The following TIAM1 variants were observed in gnomAD, a reference collection of about 807,000 sequenced individuals.
The protein encoded by TIAM1 is TIAM Rac1 associated GEF 1.
In TIAM1, 65 loss-of-function variants were observed where a neutral mutation model predicts 163.5. The ratio of observed to expected loss-of-function variants is 0.40; its 90% confidence interval spans 0.33 to 0.49. TIAM1 has a LOEUF of 0.49. Among genes scored for constraint, TIAM1 ranks in the 20% least tolerant of loss-of-function variants. TIAM1 has a pLI of 0.77. For missense variants in TIAM1, 1,789 were observed against 2,044.7 expected, an observed-to-expected ratio of 0.87 and a Z score of 2.41; for synonymous variants, 833 against 810.1, an observed-to-expected ratio of 1.03 and a Z score of -0.48.
chr21:31,245,540 T>C lies in TIAM1; in HGVS notation c.1532A>G (p.Lys511Arg). The change falls in exon 6 of 28, where the codon AAG becomes AGG. Residue 511 changes from lysine (K) to arginine (R), a missense_variant. Lys to Arg is a conservative substitution (Grantham distance 26, BLOSUM62 2). Around this residue, in one of 5 missense-constraint regions of TIAM1, gnomAD observed 456 missense variants for 586.6 expected, o/e 0.78. Coordinates refer to ENST00000541036, the MANE Select transcript of TIAM1 (RefSeq NM_001353694.2). ...IVQAVPEHPK[K>R]DFVFCLSNSL... is the part of the protein sequence containing the mutation. ...ATTGCTGAGGCAGAAGACAAAGTCC[T>C]TCTTGGGGTGCTCAGGCACCGCCTG... The C allele has an allele frequency of 6.3e-7, 1 of 1,593,842 alleles. No homozygotes were observed. Among genetic ancestry groups the C allele is most frequent in the Non-Finnish European group, 8.5e-7 (1 of 1,170,212 alleles).
chr21:31,346,034 C>A (rs979608437), upstream of TIAM1, among the ~76,000 whole-genome samples: 1 of 150,854 alleles, frequency 6.6e-6, no homozygotes, highest in Non-Finnish European at 1.5e-5. Context: ...AATTTGCCTC[C>A]GGGGAACATT....
chr21:31,124,208 C>A (rs139396936), intron 27 of TIAM1: 3,538 of 266,946 alleles, frequency 0.013, 33 homozygotes, highest in Non-Finnish European at 0.019. Context: ...CAGGCTGAGA[C>A]AGCCTCTCCA....
chr21:31,330,626 TG>T (rs1249420440), intron 2 of TIAM1, among the ~76,000 whole-genome samples: 1 of 152,036 alleles, frequency 6.6e-6, no homozygotes, highest in Admixed American at 6.6e-5. Context: ...TTTGTGGAGT[TG>T]GGGTTTCACC....
At chr21:31,519,381 T>C (rs1393115555) in intron 1 of TIAM1, among the ~76,000 whole-genome samples, 2 of 144,664 alleles carry the variant, frequency 1.4e-5, no homozygotes, top group Admixed American at 7.0e-5. Context: ...TTGTGGCCCA[T>C]GTTTGTCATC....
At chr21:31,391,306 C>G (rs1026655231) in intron 2 of TIAM1, among the ~76,000 whole-genome samples, 1 of 152,102 alleles carries the variant, frequency 6.6e-6, no homozygotes, top group Non-Finnish European at 1.5e-5. Context: ...ACAATTGTAA[C>G]TCTGAATCCA....
chr21:31,464,391 A>G (rs1346195000), intron 1 of TIAM1, among the ~76,000 whole-genome samples: 5 of 152,084 alleles, frequency 3.3e-5, no homozygotes, highest in Non-Finnish European at 2.9e-5. Context: ...TTTTTATTCT[A>G]TTTTTATTTT....
At chr21:31,464,477 G>C (rs1201767637) in intron 1 of TIAM1, among the ~76,000 whole-genome samples, 1 of 152,052 alleles carries the variant, frequency 6.6e-6, no homozygotes, top group Non-Finnish European at 1.5e-5. Context: ...AGAGGCTGAG[G>C]CTGGCAGATC....
At chr21:31,323,531 T>C (rs1057192761) in intron 2 of TIAM1, among the ~76,000 whole-genome samples, 10 of 151,972 alleles carry the variant, frequency 6.6e-5, no homozygotes, top group African/African-American at 2.2e-4. Context: ...ACCATCTCTA[T>C]AAAAAATTTA....
intron 2 of TIAM1, among the ~76,000 whole-genome samples, chr21:31,390,193 T>C (rs565932163): frequency 7.2e-5 from 11 of 152,196 alleles, no homozygotes; most frequent in Admixed American, 1.3e-4. Flanking sequence ...TTTGATTAAA[T>C]AATTAATGAT....
In TIAM1 at chr21:31,165,020, G is replaced by A; in HGVS notation, c.2933C>T (p.Pro978Leu). Residue 978 changes from proline to leucine, a missense_variant, in exon 16 of 28, where the codon CCA (proline) becomes CTA (leucine). By Grantham distance (98) the Pro-to-Leu change is moderately conservative (BLOSUM62 -3). Coordinates refer to ENST00000541036, the MANE Select transcript of TIAM1 (RefSeq NM_001353694.2). ...CAAGTCTGGCCCCTCGGTCTCCTCT[G>A]GAGCGGTCTCAGCACTGCTGCCCTG... ...SEQGSSAETAPEETEGPDLES... is the reference protein window; with the variant it reads ...SEQGSSAETALEETEGPDLES... 1 of 1,614,168 alleles carries A rather than the reference G, an allele frequency of 6.2e-7. No homozygotes were observed. The highest frequency in any genetic ancestry group is 8.5e-7 in the Non-Finnish European group (1 of 1,180,044).
chr21:31,394,996 G>A (rs2077038212), intron 2 of TIAM1, among the ~76,000 whole-genome samples: 1 of 152,166 alleles, frequency 6.6e-6, no homozygotes, highest in Non-Finnish European at 1.5e-5. Flanking sequence ...CCAGCACTTT[G>A]GGAGGCCAAG....
intron 25 of TIAM1, among the ~76,000 whole-genome samples, chr21:31,128,563 C>A (rs954668770): frequency 2.0e-5 from 3 of 152,136 alleles, no homozygotes; most frequent in African/African-American, 7.2e-5. Flanking sequence ...TCATAACCTA[C>A]GATTCTAAGT....
chr21:31,553,400 T>TTA (rs565447798), intron 1 of TIAM1, among the ~76,000 whole-genome samples: 16 of 152,270 alleles, frequency 1.1e-4, no homozygotes, highest in African/African-American at 3.9e-4. Flanking sequence ...AACTTACACT[T>TTA]TACTCCAGTT....
chr21:31,303,922 G>A (rs1199976137), intron 2 of TIAM1, among the ~76,000 whole-genome samples: 13 of 152,104 alleles, frequency 8.5e-5, no homozygotes, highest in Admixed American at 8.5e-4. Flanking sequence ...AGGTTGCAGT[G>A]AGCCGAGATC....
rs1008162107 is a variant in TIAM1 at position 31,151,421 on chromosome 21, C to T, written c.3366+1215G>A. ...CTCTTGATACACACAGCAATATGGACGGATCTCAGTACAACTACGCTGAGT... is the reference window on the plus strand; with the variant it reads ...CTCTTGATACACACAGCAATATGGATGGATCTCAGTACAACTACGCTGAGT... On this transcript the variant is annotated intron_variant, in intron 19 of 27. Transcript: ENST00000541036. 5.3e-5 allele frequency among the ~76,000 whole-genome samples: 8 copies of T among 152,276 alleles called. No homozygotes were observed. In the South Asian group the frequency reaches 1.0e-3, roughly 20 times the overall value.
chr21:31,384,773 C>T (rs2076837310), intron 2 of TIAM1, among the ~76,000 whole-genome samples: 1 of 152,172 alleles, frequency 6.6e-6, no homozygotes. Flanking sequence ...CTACACATAC[C>T]ACTAATGGAA....
At chr21:31,175,719 C>T (rs1692393524) in intron 15 of TIAM1, among the ~76,000 whole-genome samples, 1 of 152,080 alleles carries the variant, frequency 6.6e-6, no homozygotes, top group Non-Finnish European at 1.5e-5. Context: ...CTGCCTCAGC[C>T]TCCCAAGCAG....
intron 2 of TIAM1, among the ~76,000 whole-genome samples, chr21:31,428,027 C>T (rs1024898316): frequency 4.6e-5 from 7 of 152,010 alleles, no homozygotes; most frequent in Non-Finnish European, 1.0e-4. Flanking sequence ...TTTGGGAGGC[C>T]GAAGCGGGTG....
intron 26 of TIAM1, among the ~76,000 whole-genome samples, chr21:31,125,239 G>A (rs1339979972): frequency 1.0e-4 from 15 of 144,242 alleles, no homozygotes; most frequent in African/African-American, 2.8e-4. Context: ...AAAAAAAAAA[G>A]TGCTTCCTAG....
Sources: gnomAD v4.1 joint callset for allele counts (sites outside exome capture counted in the v4.1 genomes callset) on GRCh38, gnomAD v4.1.1 for gene constraint, gnomAD v4.1.1 regional missense constraint, MANE v1.5 for transcripts, NCBI Gene and HGNC (gene_info 2026-07-23, HGNC 2026-07-21) for gene names.